The following PCNT variants were observed in gnomAD, a reference collection of about 807,000 sequenced individuals.
The protein encoded by PCNT is kendrin.
PCNT carries 319 observed loss-of-function variants against 380.4 expected under a neutral mutation model. The observed-to-expected ratio is 0.84, with a 90% CI of 0.77 to 0.92. The LOEUF (loss-of-function observed/expected upper bound fraction) is 0.92, where lower values mean the gene tolerates loss of function less well. PCNT is among the 40% of genes least tolerant of loss of function. The probability of loss-of-function intolerance (pLI) is 0.00; values close to 1 mark genes in which losing one functional copy is unlikely to be tolerated. For missense variants in PCNT, 4,400 were observed against 4,255.3 expected, an observed-to-expected ratio of 1.03 and a Z score of -0.95; for synonymous variants, 1,845 against 1,735.2, an observed-to-expected ratio of 1.06 and a Z score of -1.57.
intron 19 of PCNT, 90 bp from the exon 20 acceptor site, chr21:46,390,580 T>G: frequency 7.1e-7 from 1 of 1,418,026 alleles, no homozygotes; most frequent in Non-Finnish European, 1.0e-6. Context: ...GCCTGAAGGG[T>G]CTGGGGGTAG....
At position 46,419,731 on chromosome 21, in the gene PCNT, G is replaced by A. The variant is rs574085867; in HGVS notation, c.7024+1425G>A. ...CTCAGGGGCTCCCAGGCGGCCCCTT[G>A]CCCCTCCTCAACGGTCTCTTATTTA... is the stretch of plus-strand genomic sequence containing the variant. On this transcript the variant is annotated intron_variant, in intron 31 of 46. Transcript: ENST00000359568. Among the ~76,000 whole-genome samples the A allele has an allele frequency of 5.8e-3, 879 of 152,268 alleles. 7 individuals carry two copies. The highest frequency in any genetic ancestry group is 9.2e-3 in the Non-Finnish European group (625 of 68,012).
intron 39 of PCNT, among the ~76,000 whole-genome samples, chr21:46,436,484 C>G: frequency 1.2e-5 from 1 of 86,770 alleles, no homozygotes; most frequent in Non-Finnish European, 3.1e-5. Flanking sequence ...CCCCCCCCCC[C>G]CCCCGCTGGC....
At chr21:46,412,731 G>A (rs1359077443) in intron 28 of PCNT, 106 bp from the exon 29 acceptor site, 8 of 1,187,508 alleles carry the variant, frequency 6.7e-6, no homozygotes, top group Non-Finnish European at 9.9e-6. Context: ...CCTCCCTCTG[G>A]CATCCCTGCT....
At chr21:46,413,105 G>C in intron 29 of PCNT, 113 bp downstream of exon 29, 1 of 529,638 alleles carries the variant, frequency 1.9e-6, no homozygotes, top group South Asian at 2.1e-5. Context: ...TGGACACGCG[G>C]CAGCAAGGTG....
chr21:46,347,235 A>G (rs1478882739), intron 5 of PCNT, among the ~76,000 whole-genome samples: 3 of 152,162 alleles, frequency 2.0e-5, no homozygotes, highest in African/African-American at 7.2e-5. Context: ...GGTGCGACCC[A>G]GGGCTGACCT....
At chr21:46,423,286 G>T (rs907835357) in intron 32 of PCNT, among the ~76,000 whole-genome samples, 4 of 151,138 alleles carry the variant, frequency 2.6e-5, no homozygotes, top group Admixed American at 2.6e-4. Flanking sequence ...TGCCTCCTGG[G>T]CTCAAACGAT....
Position 46,366,655 on chromosome 21 carries a change from A to T in PCNT, c.2681A>T (p.Gln894Leu). The change falls in exon 15 of 47, where the codon CAG becomes CTG. Residue 894 changes from glutamine to leucine, a missense_variant. Coordinates refer to ENST00000359568, the MANE Select transcript of PCNT (RefSeq NM_006031.6). ...AEQDAFLQEA[Q>L]EQHARELQLL... ...CAAGATGCCTTCCTGCAGGAGGCCC[A>T]GGAGCAGCATGCCCGTGAGCTGCAG... 1 of 1,613,948 alleles carries T rather than the reference A, an allele frequency of 6.2e-7. No individual in the cohort carries two copies. The highest frequency in any genetic ancestry group is 8.5e-7 in the Non-Finnish European group (1 of 1,179,996).
At chr21:46,412,326 C>T (rs2086816150) in intron 28 of PCNT, among the ~76,000 whole-genome samples, 1 of 152,188 alleles carries the variant, frequency 6.6e-6, no homozygotes. Context: ...ACAATTCTTT[C>T]TTTCACATAA....
chr21:46,345,726 C>T (rs933864196), intron 3 of PCNT, among the ~76,000 whole-genome samples: 2 of 152,232 alleles, frequency 1.3e-5, no homozygotes, highest in Non-Finnish European at 2.9e-5. Flanking sequence ...CCGGTGCTCG[C>T]GGCAGCCACC....
intron 25 of PCNT, among the ~76,000 whole-genome samples, chr21:46,401,120 G>A (rs1392529895): frequency 6.6e-6 from 1 of 152,226 alleles, no homozygotes; most frequent in African/African-American, 2.4e-5. Flanking sequence ...TATATGTCAT[G>A]CTCTTGCGCA....
intron 41 of PCNT, among the ~76,000 whole-genome samples, chr21:46,438,810 T>C (rs1360337398): frequency 6.6e-6 from 1 of 151,778 alleles, no homozygotes; most frequent in Non-Finnish European, 1.5e-5. Context: ...GTAGCTGAGA[T>C]TACAAGTGCC....
In PCNT at chr21:46,440,165, C is replaced by T; in HGVS notation, c.9356C>T (p.Pro3119Leu). ...CGCCCAGACCCCGGCCGGCTTCCACCAGCTGCCAGCGAGGAAGCACACACC... is the reference window on the plus strand; with the variant it reads ...CGCCCAGACCCCGGCCGGCTTCCACTAGCTGCCAGCGAGGAAGCACACACC... ...LRRPDPGRLP[P>L]AASEEAHTSN... The change falls in exon 42 of 47, where the codon CCA (proline) becomes CTA (leucine). Residue 3119 changes from proline to leucine, a missense_variant. Pro to Leu is a moderately conservative substitution (Grantham distance 98). Transcript: ENST00000359568. The T allele has an allele frequency of 6.2e-7, 1 of 1,614,108 alleles. No individual in the cohort carries two copies. The highest frequency in any genetic ancestry group is 8.5e-7 in the Non-Finnish European group (1 of 1,180,004).
At position 46,440,078 on chromosome 21, in the gene PCNT, T is replaced by C; in HGVS notation, c.9274-5T>C. On this transcript the variant is annotated splice_region_variant and splice_polypyrimidine_tract_variant and intron_variant, in intron 41 of 46. Coordinates refer to ENST00000359568, the MANE Select transcript of PCNT (RefSeq NM_006031.6). ...GTAGACAGCGCTGGCTGTGCTTCCT[T>C]ACAGAGGTCGGAAAGGTCTGCTTGG... The C allele has an allele frequency of 6.2e-7, 1 of 1,613,964 alleles. No homozygotes were observed. The highest frequency in any genetic ancestry group is 8.5e-7 in the Non-Finnish European group (1 of 1,179,966).
At chr21:46,328,282 T>C (rs949081608) in intron 2 of PCNT, among the ~76,000 whole-genome samples, 1 of 151,890 alleles carries the variant, frequency 6.6e-6, no homozygotes, top group Non-Finnish European at 1.5e-5. Context: ...GTTTTCTTTT[T>C]AAGATACAGT....
At chr21:46,359,204 T>G (rs146108636) in intron 13 of PCNT, among the ~76,000 whole-genome samples, 1 of 140,684 alleles carries the variant, frequency 7.1e-6, no homozygotes, top group African/African-American at 2.6e-5. Flanking sequence ...CTGCCCGCCT[T>G]GGCCTCCCAA....
chr21:46,400,270 G>A (rs2086375874), intron 25 of PCNT, among the ~76,000 whole-genome samples: 1 of 152,108 alleles, frequency 6.6e-6, no homozygotes, highest in Non-Finnish European at 1.5e-5. Flanking sequence ...AGTTTAAAGA[G>A]GGGCTGGAGC....
At chr21:46,352,287 G>A (rs1384003812) in intron 9 of PCNT, among the ~76,000 whole-genome samples, 1 of 152,256 alleles carries the variant, frequency 6.6e-6, no homozygotes, top group Non-Finnish European at 1.5e-5. Flanking sequence ...AGGGCACCAG[G>A]CCTGGCTCCG....
Position 46,440,119 on chromosome 21 carries a change from G to A in PCNT, c.9310G>A (p.Ala3104Thr). Reference sequence around the variant, plus strand: ...GTCTGCTTGGAAGCCAGACGAAACGGCTCCACAGAGTTCCCTGAGGCGCCC... The same window carrying A: ...GTCTGCTTGGAAGCCAGACGAAACGACTCCACAGAGTTCCCTGAGGCGCCC... ...ERSAWKPDETAPQSSLRRPDP... is the reference protein window; with the variant it reads ...ERSAWKPDETTPQSSLRRPDP... The change falls in exon 42 of 47, where the codon GCT becomes ACT. Residue 3104 changes from alanine to threonine, a missense_variant. Transcript: ENST00000359568. 2 of 1,614,090 alleles carry A rather than the reference G, an allele frequency of 1.2e-6. No individual in the cohort carries two copies. Among genetic ancestry groups the A allele is most frequent in the East Asian group, 4.5e-5 (2 of 44,884 alleles).
Position 46,353,330 on chromosome 21 carries a change from A to G in PCNT, c.1679+4A>G, listed in dbSNP as rs370010603. The stretch of plus-strand genomic sequence containing the variant: ...TTCTGGACTCTGTGGAAGTTGGGTA[A>G]GCAAAGCAGTTCCAGCCTCAGTGAG... On this transcript the variant is annotated splice_donor_region_variant and intron_variant, in intron 10 of 46. Coordinates refer to ENST00000359568, the MANE Select transcript of PCNT (RefSeq NM_006031.6). 26 of 1,612,746 alleles carry G rather than the reference A, an allele frequency of 1.6e-5. No individual in the cohort carries two copies. The highest frequency in any genetic ancestry group is 2.2e-5 in the Non-Finnish European group (26 of 1,178,788).
Sources: allele counts gnomAD v4.1 joint callset (sites outside exome capture counted in the v4.1 genomes callset), GRCh38; gene constraint gnomAD v4.1.1; transcripts MANE v1.5; gene names NCBI Gene and HGNC (gene_info 2026-07-23, HGNC 2026-07-21).